Variants in DNAH5 observed in about 807,000 individuals in gnomAD.
DNAH5 encodes the protein dynein axonemal heavy chain 5.
Under a neutral mutation model 518.2 loss-of-function variants are expected in DNAH5, and 372 were observed. The observed-to-expected ratio is 0.72, with a 90% CI of 0.66 to 0.78. The LOEUF (loss-of-function observed/expected upper bound fraction) is 0.78, where lower values mean the gene tolerates loss of function less well. Ranked by LOEUF, DNAH5 falls within the 30% of genes least tolerant of loss-of-function variation. The probability of loss-of-function intolerance (pLI) is 0.00; values close to 1 mark genes in which losing one functional copy is unlikely to be tolerated. For synonymous variants in DNAH5, 2,039 were observed against 2,025.9 expected (o/e 1.01, Z -0.17); for missense variants, 5,523 against 5,687.0 (o/e 0.97, Z 0.93).
chr5:13,758,599 A>G (rs1751335397), intron 61 of DNAH5, among the ~76,000 whole-genome samples: 1 of 152,224 alleles, frequency 6.6e-6, no homozygotes, highest in African/African-American at 2.4e-5. Flanking sequence ...CATAACAAAA[A>G]TGCTAGTACA....
At chr5:13,753,827 G>A (rs1750599109) in intron 62 of DNAH5, among the ~76,000 whole-genome samples, 1 of 152,048 alleles carries the variant, frequency 6.6e-6, no homozygotes, top group Non-Finnish European at 1.5e-5. Flanking sequence ...AAGTTTAAGA[G>A]AATAAAACCT....
intron 1 of DNAH5, among the ~76,000 whole-genome samples, chr5:13,986,642 C>G (rs1268592010): frequency 6.6e-6 from 1 of 152,224 alleles, no homozygotes; most frequent in Non-Finnish European, 1.5e-5. Context: ...TTACCTGCAT[C>G]TGCTTCTTGC....
Position 13,700,649 on chromosome 5 carries a change from C to T in DNAH5, c.13714G>A (p.Glu4572Lys), listed in dbSNP as rs768846678. ...GTACAAGACAACTTACTATTGTTTT[C>T]TGCATAAATCCTTATGACAGGCATC... is the stretch of plus-strand genomic sequence containing the variant. ...ELMPVIRIYA[E>K]NNTLRDPRFY... The change falls in exon 78 of 79, where the codon GAA becomes AAA. Residue 4572 changes from glutamate (E) to lysine (K), a missense_variant. Transcript: ENST00000265104. The T allele has an allele frequency of 6.2e-7, 1 of 1,614,110 alleles. No homozygotes were observed. The highest frequency in any genetic ancestry group is 1.7e-5 in the Admixed American group (1 of 60,024).
chr5:13,807,453 A>G, intron 47 of DNAH5, 138 bp downstream of exon 47: 1 of 765,172 alleles, frequency 1.3e-6, no homozygotes, highest in East Asian at 2.7e-5. Context: ...TAATTGAAAG[A>G]ATGGAAGACG....
At chr5:13,782,964 T>C (rs144769151) in intron 52 of DNAH5, among the ~76,000 whole-genome samples, 3 of 152,262 alleles carry the variant, frequency 2.0e-5, no homozygotes, top group Non-Finnish European at 2.9e-5. Context: ...CCTCAGGAGC[T>C]CACGCTGGAA....
At chr5:13,974,137 TC>T (rs1431172250) in intron 1 of DNAH5, among the ~76,000 whole-genome samples, 2 of 150,234 alleles carry the variant, frequency 1.3e-5, no homozygotes, top group Non-Finnish European at 3.0e-5. Context: ...TTTTTTCTTT[TC>T]TTTTCTTTTT....
chr5:13,797,749 G>A (rs1431455441), intron 47 of DNAH5, among the ~76,000 whole-genome samples: 1 of 152,096 alleles, frequency 6.6e-6, no homozygotes, highest in Admixed American at 6.6e-5. Flanking sequence ...AAAGACACAT[G>A]CACACGTATG....
rs1195090227 is a variant in DNAH5, at chr5:13,985,442, T to G, written c.12+26206A>C. Among the ~76,000 whole-genome samples the G allele has an allele frequency of 6.2e-5, 3 of 48,468 alleles. No homozygotes were observed. The East Asian group carries it at 1.2e-3, about 20-fold the overall frequency. 31.8% of individuals were successfully genotyped at this position (48,468 alleles called of 152,430 possible). On this transcript the variant is annotated intron_variant, in intron 1 of 78. Transcript: ENST00000681290. ...TAAAGTATAATAAAATATATATATATATATATATATATATATATATATATA... is the reference window on the plus strand; with the variant it reads ...TAAAGTATAATAAAATATATATATAGATATATATATATATATATATATATA...
At chr5:13,959,114 T>C (rs1780972847) in intron 1 of DNAH5, among the ~76,000 whole-genome samples, 1 of 152,156 alleles carries the variant, frequency 6.6e-6, no homozygotes, top group Non-Finnish European at 1.5e-5. Context: ...GCCCAGCTAA[T>C]GTTTGTATTT....
intron 24 of DNAH5, among the ~76,000 whole-genome samples, chr5:13,870,232 G>T (rs536705783): frequency 6.6e-6 from 1 of 152,040 alleles, no homozygotes; most frequent in East Asian, 1.9e-4. Context: ...TCCAGGTCCC[G>T]ATTACCAGCT....
At chr5:13,807,566 C>G (rs745707422) in intron 47 of DNAH5, 25 bp downstream of exon 47, 1 of 1,611,390 alleles carries the variant, frequency 6.2e-7, no homozygotes, top group Admixed American at 1.7e-5. Context: ...ATTGGGCTTA[C>G]TGAGCCATAC....
chr5:13,924,119 C>T (rs900223038), intron 3 of DNAH5, among the ~76,000 whole-genome samples: 1 of 152,160 alleles, frequency 6.6e-6, no homozygotes, highest in Non-Finnish European at 1.5e-5. Context: ...GAGCCAAGGT[C>T]GAAAACCAGC....
intron 65 of DNAH5, among the ~76,000 whole-genome samples, chr5:13,741,238 C>T (rs1193900303): frequency 6.6e-6 from 1 of 152,164 alleles, no homozygotes; most frequent in Non-Finnish European, 1.5e-5. Context: ...CAGTTAATCA[C>T]CACTGATTGA....
At chr5:13,796,772 G>A (rs542463542) in intron 47 of DNAH5, among the ~76,000 whole-genome samples, 6 of 152,290 alleles carry the variant, frequency 3.9e-5, no homozygotes, top group Admixed American at 1.3e-4. Flanking sequence ...AACAAAGCTG[G>A]AGGCATCACA....
intron 47 of DNAH5, among the ~76,000 whole-genome samples, chr5:13,806,260 G>C (rs1354210728): frequency 1.3e-5 from 2 of 152,118 alleles, no homozygotes; most frequent in Non-Finnish European, 2.9e-5. Context: ...CCACTGCTAA[G>C]TCACTGCAAT....
At chr5:13,708,438 C>A in intron 75 of DNAH5, 103 bp from the exon 76 acceptor site, 3 of 981,952 alleles carry the variant, frequency 3.1e-6, no homozygotes, top group East Asian at 2.4e-5. Flanking sequence ...CTTACTATTC[C>A]ATAAATAATA....
chr5:13,716,261 G>C (rs1375877746), intron 74 of DNAH5, among the ~76,000 whole-genome samples: 2 of 152,116 alleles, frequency 1.3e-5, no homozygotes, highest in African/African-American at 4.8e-5. Context: ...TTAAAAAAGA[G>C]GGGGGATGGA....
chr5:13,964,874 TG>T (rs1413615208), intron 1 of DNAH5, among the ~76,000 whole-genome samples: 1 of 152,224 alleles, frequency 6.6e-6, no homozygotes, highest in Non-Finnish European at 1.5e-5. Flanking sequence ...CAGGACCCTT[TG>T]TCATTTCTCA....
intron 60 of DNAH5, 96 bp from the exon 61 acceptor site, chr5:13,759,079 T>C (rs1291754438): frequency 6.5e-7 from 1 of 1,536,064 alleles, no homozygotes; most frequent in Non-Finnish European, 8.9e-7. Flanking sequence ...CACATGTTTA[T>C]ACCTTTGCTT....
Sources: gnomAD v4.1 joint callset for allele counts (sites outside exome capture counted in the v4.1 genomes callset) on GRCh38, gnomAD v4.1.1 for gene constraint, MANE v1.5 for transcripts, NCBI Gene and HGNC (gene_info 2026-07-23, HGNC 2026-07-21) for gene names.